RARB: variants seen among roughly 807,000 people sequenced by gnomAD.
RARB encodes the protein HBV-activated protein.
A neutral mutation model predicts 51.9 loss-of-function variants in RARB; 17 were observed. The observed-to-expected ratio is 0.33, with a 90% CI of 0.22 to 0.49. The LOEUF (loss-of-function observed/expected upper bound fraction) is 0.49. RARB is among the 20% of genes least tolerant of loss of function. The probability of loss-of-function intolerance (pLI) is 0.99; values close to 1 mark genes in which losing one functional copy is unlikely to be tolerated. For missense variants in RARB, 369 were observed against 550.8 expected, an observed-to-expected ratio of 0.67 and a Z score of 3.30; for synonymous variants, 215 against 195.4, an observed-to-expected ratio of 1.10 and a Z score of -0.84.
At chr3:25,400,343 A>C (rs1707231145) in intron 5 of RARB, among the ~76,000 whole-genome samples, 1 of 152,200 alleles carries the variant, frequency 6.6e-6, no homozygotes, top group Non-Finnish European at 1.5e-5. Flanking sequence ...TTATAGCATA[A>C]GTATCAAACC....
intron 1 of RARB, among the ~76,000 whole-genome samples, chr3:24,845,429 T>C (rs539215699): frequency 1.3e-5 from 2 of 152,286 alleles, no homozygotes; most frequent in African/African-American, 4.8e-5. Context: ...CTTCCATGTG[T>C]GGTTTCCTAG....
At chr3:25,570,322 C>A (rs112377334) in intron 4 of RARB, among the ~76,000 whole-genome samples, 1 of 152,298 alleles carries the variant, frequency 6.6e-6, no homozygotes, top group African/African-American at 2.4e-5. Context: ...GACCTCTGTA[C>A]GGAGGGACCC....
intron 3 of RARB, among the ~76,000 whole-genome samples, chr3:25,121,157 G>A (rs373567320): frequency 2.0e-5 from 3 of 152,130 alleles, no homozygotes; most frequent in Non-Finnish European, 1.5e-5. Context: ...AGGCTATACT[G>A]GAAAGATCAT....
intron 5 of RARB, among the ~76,000 whole-genome samples, chr3:25,348,132 G>A (rs1705450867): frequency 6.6e-6 from 1 of 152,158 alleles, no homozygotes; most frequent in African/African-American, 2.4e-5. Flanking sequence ...GCAACAGGCT[G>A]TGAGATCCAG....
chr3:25,004,134 T>C (rs906438652), intron 2 of RARB, among the ~76,000 whole-genome samples: 2 of 152,100 alleles, frequency 1.3e-5, no homozygotes, highest in Non-Finnish European at 2.9e-5. Context: ...TTCAAGAGCA[T>C]GAAGGTTTTG....
At position 25,177,772 on chromosome 3, in the gene RARB, C is replaced by T. The variant is rs150655271; in HGVS notation, c.178+3197C>T. Among the ~76,000 whole-genome samples, 11 of 152,278 alleles carry T rather than the reference C, an allele frequency of 7.2e-5. No homozygotes were observed. The East Asian group carries it at 1.7e-3, about 24-fold the overall frequency. Reference sequence around the variant, plus strand: ...AGCCTACAGCACAATGGCTCCATTCCCACACATAAAGTTGTCCTTGATGCT... The same window carrying T: ...AGCCTACAGCACAATGGCTCCATTCTCACACATAAAGTTGTCCTTGATGCT... On this transcript the variant is annotated intron_variant, in intron 5 of 11. Coordinates refer to the RARB transcript ENST00000383772.
chr3:24,983,224 T>C (rs1476305934), intron 2 of RARB, among the ~76,000 whole-genome samples: 1 of 152,164 alleles, frequency 6.6e-6, no homozygotes, highest in African/African-American at 2.4e-5. Flanking sequence ...TTATATCTTT[T>C]AGTAGAATTG....
chr3:25,220,670 G>C lies in RARB; in HGVS notation c.178+46095G>C, dbSNP rs186019908. Among the ~76,000 whole-genome samples, 326 of 152,282 alleles carry C rather than the reference G, an allele frequency of 2.1e-3. 2 individuals carry two copies. The highest frequency in any genetic ancestry group is 7.5e-3 in the African/African-American group (313 of 41,556). The stretch of plus-strand genomic sequence containing the variant: ...CTGCTGCCCTGTGAAGAAGATGCCT[G>C]CCTCCCCTTTGCCTTCCACCATGAT... On this transcript the variant is annotated intron_variant, in intron 5 of 11. Coordinates refer to the RARB transcript ENST00000383772.
intron 3 of RARB, among the ~76,000 whole-genome samples, chr3:25,566,301 C>A (rs1700492592): frequency 6.6e-6 from 1 of 152,180 alleles, no homozygotes; most frequent in Non-Finnish European, 1.5e-5. Flanking sequence ...GGGGTTGTCC[C>A]TGCATTTTGT....
chr3:24,976,460 T>C (rs925324740), intron 2 of RARB, among the ~76,000 whole-genome samples: 5 of 152,226 alleles, frequency 3.3e-5, no homozygotes, highest in African/African-American at 7.2e-5. Flanking sequence ...ATGATTGCCA[T>C]TCTAACTGCC....
chr3:25,356,518 C>T (rs1392762738), intron 5 of RARB, among the ~76,000 whole-genome samples: 2 of 150,836 alleles, frequency 1.3e-5, no homozygotes, highest in Non-Finnish European at 3.0e-5. Flanking sequence ...TTTTTTCTTT[C>T]TTTTTTTTTA....
At chr3:25,115,447 CA>C (rs2125326948) in intron 3 of RARB, among the ~76,000 whole-genome samples, 1 of 152,168 alleles carries the variant, frequency 6.6e-6, no homozygotes, top group Admixed American at 6.5e-5. Context: ...TAATATAATA[CA>C]AAAGATGGCT....
At chr3:25,005,596 A>G (rs1342813722) in intron 2 of RARB, among the ~76,000 whole-genome samples, 2 of 152,146 alleles carry the variant, frequency 1.3e-5, no homozygotes, top group Non-Finnish European at 2.9e-5. Context: ...GGAAGCCACA[A>G]TATTGTTTAT....
intron 1 of RARB, among the ~76,000 whole-genome samples, chr3:25,435,499 T>G (rs1708396764): frequency 6.6e-6 from 1 of 152,218 alleles, no homozygotes; most frequent in African/African-American, 2.4e-5. Flanking sequence ...CCATTTCAGC[T>G]TCAAAAGATT....
In RARB at chr3:24,990,844, A is replaced by G. The variant is rs559393628; in HGVS notation, c.-379-69281A>G. Among the ~76,000 whole-genome samples the G allele has an allele frequency of 1.1e-4, 17 of 152,360 alleles. No individual in the cohort carries two copies. The South Asian group carries it at 1.2e-3, about 11-fold the overall frequency. On this transcript the variant is annotated intron_variant, in intron 2 of 11. Coordinates refer to the RARB transcript ENST00000383772. The stretch of plus-strand genomic sequence containing the variant: ...ACATGGGATTTTGGTTTGGAACTGC[A>G]TTGAATTATGTATTAATTTAAGATA...
At chr3:24,892,033 A>C (rs984572289) in intron 2 of RARB, among the ~76,000 whole-genome samples, 1 of 152,064 alleles carries the variant, frequency 6.6e-6, no homozygotes, top group African/African-American at 2.4e-5. Flanking sequence ...CCCACAGCCC[A>C]GTTAGACTTG....
intron 5 of RARB, among the ~76,000 whole-genome samples, chr3:25,215,435 A>G (rs1345845282): frequency 6.6e-6 from 1 of 152,198 alleles, no homozygotes; most frequent in African/African-American, 2.4e-5. Flanking sequence ...GTCGTCTGAC[A>G]TGTCCATCCA....
At chr3:25,205,695 G>A (rs1001220136) in intron 5 of RARB, among the ~76,000 whole-genome samples, 1 of 151,874 alleles carries the variant, frequency 6.6e-6, no homozygotes, top group Non-Finnish European at 1.5e-5. Flanking sequence ...ATAAATATGT[G>A]CATCTATTAT....
chr3:24,976,470 C>A (rs144703739), intron 2 of RARB, among the ~76,000 whole-genome samples: 1,695 of 152,178 alleles, frequency 0.011, 25 homozygotes, highest in African/African-American at 0.038. Context: ...TTCTAACTGC[C>A]GTGGGATGGT....
Sources: gnomAD v4.1 joint callset for allele counts (sites outside exome capture counted in the v4.1 genomes callset) on GRCh38, gnomAD v4.1.1 for gene constraint, MANE v1.5 for transcripts, NCBI Gene and HGNC (gene_info 2026-07-23, HGNC 2026-07-21) for gene names.